MACROD2: variants seen among roughly 807,000 people sequenced by gnomAD.
MACROD2 encodes the protein ADP-ribose glycohydrolase MACROD2.
A neutral mutation model predicts 70.4 loss-of-function variants in MACROD2; 36 were observed. The observed-to-expected ratio is 0.51, with a 90% confidence interval of 0.39 to 0.68. MACROD2 has a LOEUF of 0.68. Ranked by LOEUF, MACROD2 falls within the 30% of genes least tolerant of loss-of-function variation. The pLI is 0.00. For synonymous variants in MACROD2, 172 were observed against 178.8 expected (o/e 0.96, Z 0.30); for missense variants, 496 against 538.4 (o/e 0.92, Z 0.78).
chr20:15,716,904 C>T (rs540859453), intron 8 of MACROD2, among the ~76,000 whole-genome samples: 42 of 152,266 alleles, frequency 2.8e-4, no homozygotes, highest in African/African-American at 9.6e-4. Flanking sequence ...AAGTAATTCT[C>T]TGTTGGCGAC....
At chr20:14,680,098 G>A (rs2070913605) in intron 4 of MACROD2, among the ~76,000 whole-genome samples, 2 of 152,120 alleles carry the variant, frequency 1.3e-5, no homozygotes, top group Non-Finnish European at 2.9e-5. Flanking sequence ...TTATTCACAT[G>A]GGAAACCACA....
At chr20:15,126,835 T>C (rs546584752) in intron 5 of MACROD2, among the ~76,000 whole-genome samples, 1 of 152,248 alleles carries the variant, frequency 6.6e-6, no homozygotes, top group Admixed American at 6.6e-5. Context: ...AATAAAAGGA[T>C]AATTTAAAAA....
At chr20:14,369,282 A>G (rs1263214069) in intron 3 of MACROD2, among the ~76,000 whole-genome samples, 1 of 109,396 alleles carries the variant, frequency 9.1e-6, no homozygotes, top group East Asian at 2.3e-4. Context: ...CATACAGGTT[A>G]TAGCAAATGT....
intron 5 of MACROD2, among the ~76,000 whole-genome samples, chr20:15,082,244 T>A (rs1325932973): frequency 1.3e-5 from 2 of 152,228 alleles, no homozygotes; most frequent in African/African-American, 4.8e-5. Context: ...GACAGATTTC[T>A]GACTAAACCG....
chr20:14,860,350 T>C (rs925581811), intron 5 of MACROD2, among the ~76,000 whole-genome samples: 3 of 150,542 alleles, frequency 2.0e-5, no homozygotes, highest in Non-Finnish European at 4.4e-5. Context: ...GAATCAATGC[T>C]TTTTTTGGAT....
chr20:15,762,916 C>A (rs913669425), intron 8 of MACROD2, among the ~76,000 whole-genome samples: 2 of 152,166 alleles, frequency 1.3e-5, no homozygotes, highest in African/African-American at 4.8e-5. Flanking sequence ...ACAACATATA[C>A]ACATACCAAA....
At chr20:14,616,756 C>A (rs1241813278) in intron 4 of MACROD2, among the ~76,000 whole-genome samples, 1 of 151,938 alleles carries the variant, frequency 6.6e-6, no homozygotes, top group East Asian at 1.9e-4. Flanking sequence ...ACTGATCATC[C>A]CATAATTTTT....
intron 5 of MACROD2, among the ~76,000 whole-genome samples, chr20:14,747,218 C>T (rs1485146387): frequency 1.3e-5 from 2 of 152,142 alleles, no homozygotes; most frequent in African/African-American, 4.8e-5. Context: ...TTCATTCCTC[C>T]AACCTCAAAA....
chr20:14,923,352 A>C (rs927333031), intron 5 of MACROD2, among the ~76,000 whole-genome samples: 1 of 152,138 alleles, frequency 6.6e-6, no homozygotes, highest in Non-Finnish European at 1.5e-5. Context: ...TGAATTTCCA[A>C]CTTGTACATT....
Position 15,909,514 on chromosome 20 carries a change from ATTTTTTTTTTTTT to A in MACROD2, c.775+23718_775+23730del, listed in dbSNP as rs10617621. Among the ~76,000 whole-genome samples, 10 of 70,874 alleles carry A rather than the reference ATTTTTTTTTTTTT, an allele frequency of 1.4e-4. No homozygotes were observed. In the East Asian group the frequency reaches 2.3e-3, roughly 16 times the overall value. The allele number at this position is 70,874 out of a possible 152,430, so 46.5% of individuals were successfully genotyped here. A position where few individuals can be genotyped will look rare whatever the true frequency, so the allele number is the denominator to read the frequency against. On this transcript the variant is annotated intron_variant, in intron 10 of 17. Transcript: ENST00000684519. Reference sequence around the variant, plus strand: ...ATCATACACATAAGTACATAATACAATTTTTTTTTTTTTTTTTTTTTTTTTTTGAGACGGAGTC... The same window carrying A: ...ATCATACACATAAGTACATAATACAATTTTTTTTTTTTTTGAGACGGAGTC...
intron 3 of MACROD2, among the ~76,000 whole-genome samples, chr20:14,204,900 C>T (rs2081510582): frequency 1.3e-5 from 2 of 152,014 alleles, no homozygotes; most frequent in Non-Finnish European, 2.9e-5. Flanking sequence ...TGTAGAGTCT[C>T]ATAAGGCGTA....
intron 5 of MACROD2, among the ~76,000 whole-genome samples, chr20:15,166,926 A>G (rs1053692950): frequency 6.7e-6 from 1 of 148,624 alleles, no homozygotes; most frequent in African/African-American, 2.4e-5. Context: ...TTTAAGTATT[A>G]AATTTAAGTA....
At chr20:15,002,452 G>A (rs917546497) in intron 5 of MACROD2, among the ~76,000 whole-genome samples, 10 of 151,924 alleles carry the variant, frequency 6.6e-5, no homozygotes, top group Admixed American at 2.6e-4. Flanking sequence ...CCCACTTTTC[G>A]ATGGGATTGT....
chr20:15,925,579 G>A (rs1178173413), intron 10 of MACROD2, among the ~76,000 whole-genome samples: 1 of 152,066 alleles, frequency 6.6e-6, no homozygotes, highest in Non-Finnish European at 1.5e-5. Flanking sequence ...TGGTACGCTT[G>A]GGTCATACCT....
intron 6 of MACROD2, among the ~76,000 whole-genome samples, chr20:15,273,999 T>C (rs6043160): frequency 0.012 from 1,805 of 152,312 alleles, 35 homozygotes; most frequent in African/African-American, 0.041. Context: ...GCTATTATTG[T>C]AATGACGACT....
intron 6 of MACROD2, among the ~76,000 whole-genome samples, chr20:15,232,803 T>G (rs564768549): frequency 4.7e-4 from 71 of 152,114 alleles, no homozygotes; most frequent in Non-Finnish European, 5.0e-4. Context: ...ACTTTTCTGC[T>G]AAGGTTAAAC....
intron 13 of MACROD2, among the ~76,000 whole-genome samples, chr20:15,970,985 C>A (rs1259950357): frequency 6.6e-6 from 1 of 152,124 alleles, no homozygotes; most frequent in Non-Finnish European, 1.5e-5. Context: ...AACTTAACTG[C>A]ATTTTAGAAT....
intron 3 of MACROD2, among the ~76,000 whole-genome samples, chr20:14,410,213 ATTTCT>A (rs2083734872): frequency 1.4e-5 from 1 of 74,030 alleles, no homozygotes. Context: ...CAGAGTTTGC[ATTTCT>A]TTTTTTTTTT....
intron 5 of MACROD2, among the ~76,000 whole-genome samples, chr20:14,853,857 T>A (rs2073225253): frequency 6.6e-6 from 1 of 152,110 alleles, no homozygotes. Flanking sequence ...GTGGGAAAAG[T>A]AACAAGAATT....
Sources: gnomAD v4.1 joint callset for allele counts (sites outside exome capture counted in the v4.1 genomes callset) on GRCh38, gnomAD v4.1.1 for gene constraint, MANE v1.5 for transcripts, NCBI Gene and HGNC (gene_info 2026-07-23, HGNC 2026-07-21) for gene names.